Variants in LAMC3 observed in about 807,000 individuals in gnomAD.
LAMC3 encodes the protein laminin subunit gamma 3, also known as laminin subunit gamma-3.
Under a neutral mutation model 173.8 loss-of-function variants are expected in LAMC3, and 128 were observed. The observed-to-expected ratio is 0.74, with a 90% confidence interval of 0.64 to 0.85. LAMC3 has a LOEUF of 0.85. LAMC3 is among the 40% of genes least tolerant of loss of function. The pLI, the probability that LAMC3 is intolerant of heterozygous loss-of-function variation, is 0.00. For synonymous variants in LAMC3, 897 were observed against 909.1 expected, an observed-to-expected ratio of 0.99 and a Z score of 0.24; for missense variants, 2,022 against 2,156.0, an observed-to-expected ratio of 0.94 and a Z score of 1.23.
rs1834419681 is a variant in LAMC3 at position 131,056,970 on chromosome 9, C to T, written c.1981C>T (p.Pro661Ser). 1 of 1,613,868 alleles carries T rather than the reference C, an allele frequency of 6.2e-7. No homozygotes were observed. Among genetic ancestry groups the T allele is most frequent in the Non-Finnish European group, 8.5e-7 (1 of 1,180,034 alleles). ...LTEVRLTSAR[P>S]GLSPPASWVE... ...TGAGGTCCGGCTCACATCCGCCCGG[C>T]CAGGGCTTTCCCCGCCAGCCTCCTG... The change falls in exon 12 of 28, where the codon CCA becomes TCA. Residue 661 changes from proline (P) to serine (S), a missense_variant. By Grantham distance (74) the Pro-to-Ser change is moderately conservative. Transcript: ENST00000361069.
At position 131,087,715 on chromosome 9, in the gene LAMC3, A is replaced by G; in HGVS notation, c.4378-3A>G. On this transcript the variant is annotated splice_polypyrimidine_tract_variant and splice_region_variant and intron_variant, in intron 26 of 27. Coordinates refer to ENST00000361069, the MANE Select transcript of LAMC3 (RefSeq NM_006059.4). ...AGCTGTTTCTTCCTCCTCCCCCTGA[A>G]AGGTGGGTGCTGGGCTGAGCGAGAT... 1 of 1,613,998 alleles carries G rather than the reference A, an allele frequency of 6.2e-7. No individual in the cohort carries two copies. Among genetic ancestry groups the G allele is most frequent in the South Asian group, 1.1e-5 (1 of 91,076 alleles).
At chr9:131,012,235 C>T (rs1247412784) in intron 1 of LAMC3, among the ~76,000 whole-genome samples, 2 of 152,198 alleles carry the variant, frequency 1.3e-5, no homozygotes, top group Non-Finnish European at 2.9e-5. Context: ...TCTCTTTTGC[C>T]TGCTCTGGGA....
At chr9:131,067,288 C>G (rs1213451737) in intron 14 of LAMC3, 83 bp downstream of exon 14, 1 of 1,567,918 alleles carries the variant, frequency 6.4e-7, no homozygotes, top group East Asian at 2.2e-5. Flanking sequence ...GAAGGGGTGG[C>G]TGAGGAACCC....
intron 13 of LAMC3, among the ~76,000 whole-genome samples, chr9:131,062,757 T>C (rs1829855127): frequency 1.3e-5 from 2 of 151,774 alleles, no homozygotes; most frequent in African/African-American, 4.8e-5. Context: ...TAATCCCAGC[T>C]ACTCGGGAGG....
At chr9:131,064,815 C>T (rs975614655) in intron 13 of LAMC3, among the ~76,000 whole-genome samples, 3 of 152,044 alleles carry the variant, frequency 2.0e-5, no homozygotes, top group Non-Finnish European at 1.5e-5. Context: ...CCAAGGCAGG[C>T]GGATCACCTG....
chr9:131,080,403 C>T (rs1465696331), intron 23 of LAMC3: 1 of 151,646 alleles, frequency 6.6e-6, no homozygotes, highest in Non-Finnish European at 1.5e-5. Context: ...ATTCTCCTGC[C>T]TCAGCCTCCA....
At chr9:131,047,247 C>T (rs990372469) in intron 8 of LAMC3, among the ~76,000 whole-genome samples, 4 of 144,940 alleles carry the variant, frequency 2.8e-5, no homozygotes. Flanking sequence ...TCTCTGCAAC[C>T]TCCGCCTCCC....
intron 15 of LAMC3, 52 bp from the exon 16 acceptor site, chr9:131,068,856 G>A (rs1829989839): frequency 6.2e-6 from 10 of 1,610,616 alleles, no homozygotes; most frequent in Non-Finnish European, 8.5e-6. Context: ...CAGAGGCTGG[G>A]CCAGGAGTGG....
intron 20 of LAMC3, 73 bp from the exon 21 acceptor site, chr9:131,075,758 G>A (rs1830114717): frequency 6.6e-7 from 1 of 1,513,736 alleles, no homozygotes; most frequent in African/African-American, 1.4e-5. Flanking sequence ...CTGTGTAGTA[G>A]GGGGCGTAGT....
At chr9:131,031,931 T>C in intron 2 of LAMC3, 114 bp from the exon 3 acceptor site, 3 of 1,583,570 alleles carry the variant, frequency 1.9e-6, no homozygotes, top group Non-Finnish European at 1.7e-6. Flanking sequence ...GCTCGGCCTG[T>C]TCCTGTGTCC....
rs201826478 is a variant in LAMC3 at position 131,087,594 on chromosome 9, G to T, written c.4349G>T (p.Arg1450Leu). Reference sequence around the variant, plus strand: ...CAGCAGGTGCTGGCGTCTGAAGCACGCAGACAGGAGCTGGAGGAAGCTGAG... The same window carrying T: ...CAGCAGGTGCTGGCGTCTGAAGCACTCAGACAGGAGCTGGAGGAAGCTGAG... The part of the protein sequence containing the change: ...ASQQVLASEA[R>L]RQELEEAERV... The change falls in exon 26 of 28, where the codon CGC (arginine) becomes CTC (leucine). Residue 1450 changes from arginine (R) to leucine (L), a missense_variant. Transcript: ENST00000361069. The T allele has an allele frequency of 1.2e-6, 2 of 1,613,980 alleles. No homozygotes were observed. Among genetic ancestry groups the T allele is most frequent in the Non-Finnish European group, 1.7e-6 (2 of 1,180,020 alleles).
At position 131,086,459 on chromosome 9, in the gene LAMC3, G is replaced by GTA. The variant is rs533574797; in HGVS notation, c.4230+737_4230+738dup. On this transcript the variant is annotated intron_variant, in intron 25 of 27. Coordinates refer to ENST00000361069, the MANE Select transcript of LAMC3 (RefSeq NM_006059.4). Reference sequence around the variant, plus strand: ...CAGGGTCTCTGTCGCCCAGGCTGGAGTACAGTAGCACAATCACAGCTCACT... The same window carrying GTA: ...CAGGGTCTCTGTCGCCCAGGCTGGAGTATACAGTAGCACAATCACAGCTCACT... 3.5e-4 allele frequency among the ~76,000 whole-genome samples: 53 copies of GTA among 151,262 alleles called. No individual in the cohort carries two copies. The East Asian group carries it at 9.9e-3, about 28-fold the overall frequency.
rs1424844797 is a variant in LAMC3 at position 131,018,682 on chromosome 9, C to G, written c.374-7603C>G. Among the ~76,000 whole-genome samples the G allele has an allele frequency of 2.0e-5, 3 of 152,264 alleles. No homozygotes were observed. In the East Asian group the frequency reaches 5.8e-4, roughly 29 times the overall value. ...TCTAGAATTCTGTTCCCTCTGCTCT[C>G]CTCGCCTGTCTAGCTCCCATGCACC... On this transcript the variant is annotated intron_variant, in intron 1 of 27. Coordinates refer to ENST00000361069, the MANE Select transcript of LAMC3 (RefSeq NM_006059.4).
chr9:131,091,495 G>A (rs1290454392), intron 27 of LAMC3, 42 bp from the exon 28 acceptor site: 1 of 1,557,068 alleles, frequency 6.4e-7, no homozygotes, highest in Non-Finnish European at 8.7e-7. Context: ...GGGGCCTGCA[G>A]GGCTGCTGGC....
intron 4 of LAMC3, among the ~76,000 whole-genome samples, chr9:131,038,440 C>T (rs1833983780): frequency 6.6e-6 from 1 of 152,170 alleles, no homozygotes; most frequent in Non-Finnish European, 1.5e-5. Context: ...TGAAAGGTGA[C>T]TTGTGCTTTC....
chr9:131,017,056 A>G (rs59757334), intron 1 of LAMC3, among the ~76,000 whole-genome samples: 26 of 152,270 alleles, frequency 1.7e-4, no homozygotes, highest in African/African-American at 6.3e-4. Flanking sequence ...TGCGGAGCAA[A>G]CAGGGTCCGG....
rs573538244 is a variant in LAMC3 at position 131,022,857 on chromosome 9, T to A, written c.374-3428T>A. Among the ~76,000 whole-genome samples the A allele has an allele frequency of 1.2e-4, 19 of 152,236 alleles. 1 individual carries two copies. The South Asian group carries it at 3.9e-3, about 32-fold the overall frequency. ...CCTCCCAAAGTGCTGGGATGACAGG[T>A]GTGAGCCACTAAGCCCGGCTTGGAA... On this transcript the variant is annotated intron_variant, in intron 1 of 27. Transcript: ENST00000361069.
chr9:131,037,731 C>T (rs1833971627), intron 4 of LAMC3, among the ~76,000 whole-genome samples: 1 of 152,226 alleles, frequency 6.6e-6, no homozygotes, highest in African/African-American at 2.4e-5. Flanking sequence ...TAGGCTCAAG[C>T]AGTCCTCCTA....
chr9:131,050,690 C>G (rs1834265660), intron 9 of LAMC3, among the ~76,000 whole-genome samples: 1 of 151,958 alleles, frequency 6.6e-6, no homozygotes, highest in Non-Finnish European at 1.5e-5. Context: ...ATTGCTTGAA[C>G]CTGGGAGATG....
Sources: allele counts gnomAD v4.1 joint callset (sites outside exome capture counted in the v4.1 genomes callset), GRCh38; gene constraint gnomAD v4.1.1; transcripts MANE v1.5; gene names NCBI Gene and HGNC (gene_info 2026-07-23, HGNC 2026-07-21).